The following RHOJ variants were observed in gnomAD, a reference collection of about 807,000 sequenced individuals.
The protein encoded by RHOJ is rho-related GTP-binding protein RhoJ.
In RHOJ, 11 loss-of-function variants were observed where a neutral mutation model predicts 23.4. That is an observed-to-expected ratio of 0.47 (90% CI 0.30 to 0.78). The LOEUF is 0.78. Ranked by LOEUF, RHOJ falls within the 30% of genes least tolerant of loss-of-function variation. The probability of loss-of-function intolerance (pLI) is 0.08; values close to 1 mark genes in which losing one functional copy is unlikely to be tolerated. For missense variants in RHOJ, 254 were observed against 273.4 expected, an observed-to-expected ratio of 0.93 and a Z score of 0.50; for synonymous variants, 102 against 102.7, an observed-to-expected ratio of 0.99 and a Z score of 0.04.
chr14:63,205,199 T>G (rs1894082751), intron 1 of RHOJ, 152 bp downstream of exon 1: 1 of 745,708 alleles, frequency 1.3e-6, no homozygotes, highest in Non-Finnish European at 2.1e-6. Context: ...ACCCAGGACT[T>G]GACTGTTGGT....
At chr14:63,288,710 T>G (rs572376983) in intron 4 of RHOJ, among the ~76,000 whole-genome samples, 2 of 152,312 alleles carry the variant, frequency 1.3e-5, no homozygotes, top group East Asian at 3.9e-4. Flanking sequence ...AAATAGATTT[T>G]CAACATCCAA....
At chr14:63,254,399 T>G (rs1487555836) in intron 1 of RHOJ, among the ~76,000 whole-genome samples, 1 of 152,118 alleles carries the variant, frequency 6.6e-6, no homozygotes, top group Non-Finnish European at 1.5e-5. Flanking sequence ...CAGAGCTTTA[T>G]CCGTTTGATG....
At chr14:63,269,226 C>T (rs1895422660) in intron 2 of RHOJ, 58 bp downstream of exon 2, 1 of 1,303,348 alleles carries the variant, frequency 7.7e-7, no homozygotes, top group African/African-American at 1.4e-5. Flanking sequence ...GAAAAAGATC[C>T]ATTTGCTTAT....
At chr14:63,209,939 T>G (rs967025919) in intron 1 of RHOJ, among the ~76,000 whole-genome samples, 1 of 151,336 alleles carries the variant, frequency 6.6e-6, no homozygotes, top group Non-Finnish European at 1.5e-5. Flanking sequence ...AGCATTGAAT[T>G]TTCTTTTTTT....
chr14:63,279,988 T>C (rs1201394835), intron 2 of RHOJ, among the ~76,000 whole-genome samples: 3 of 152,174 alleles, frequency 2.0e-5, no homozygotes, highest in African/African-American at 7.2e-5. Flanking sequence ...TTACTGAATG[T>C]TACACTTTAA....
intron 1 of RHOJ, 125 bp from the exon 2 acceptor site, chr14:63,268,985 A>G (rs1895416054): frequency 3.0e-6 from 2 of 675,054 alleles, no homozygotes; most frequent in Non-Finnish European, 5.2e-6. Flanking sequence ...TAGAATGTAC[A>G]TGAGCGAGGC....
chr14:63,221,186 C>T (rs1237634584), intron 1 of RHOJ, among the ~76,000 whole-genome samples: 5 of 151,980 alleles, frequency 3.3e-5, no homozygotes, highest in African/African-American at 1.2e-4. Flanking sequence ...TTAAATGAAC[C>T]GGATGTGGTG....
At chr14:63,280,944 A>T (rs1881877220) in intron 2 of RHOJ, 27 bp from the exon 3 acceptor site, 1 of 1,601,800 alleles carries the variant, frequency 6.2e-7, no homozygotes, top group African/African-American at 1.3e-5. Flanking sequence ...CACAGGCTGT[A>T]CAAACCCTTG....
In RHOJ at chr14:63,209,542, G is replaced by GCA. The variant is rs202148338; in HGVS notation, c.178+4507_178+4508dup. 2.6e-5 allele frequency among the ~76,000 whole-genome samples: 4 copies of GCA among 152,068 alleles called. No individual in the cohort carries two copies. The East Asian group carries it at 5.8e-4, about 22-fold the overall frequency. ...CACATTATTTAATGCATGTGTGCTT[G>GCA]CACACACACACACTCTCTTTCTCTC... On this transcript the variant is annotated intron_variant, in intron 1 of 4. Transcript: ENST00000316754.
intron 1 of RHOJ, among the ~76,000 whole-genome samples, chr14:63,264,641 T>C (rs1895334773): frequency 6.6e-6 from 1 of 152,232 alleles, no homozygotes; most frequent in Non-Finnish European, 1.5e-5. Context: ...TTTCCACTAA[T>C]AGTGTATAAG....
At chr14:63,229,518 T>C (rs1422024730) in intron 1 of RHOJ, among the ~76,000 whole-genome samples, 1 of 152,140 alleles carries the variant, frequency 6.6e-6, no homozygotes, top group African/African-American at 2.4e-5. Flanking sequence ...TTCATTTCCT[T>C]GGGATTGTAG....
At chr14:63,234,965 TA>T (rs1376031392) in intron 1 of RHOJ, among the ~76,000 whole-genome samples, 1 of 152,182 alleles carries the variant, frequency 6.6e-6, no homozygotes, top group East Asian at 1.9e-4. Context: ...TAGGAACCAG[TA>T]AACTCAGAAA....
chr14:63,240,451 T>C, intron 1 of RHOJ, among the ~76,000 whole-genome samples: 1 of 152,154 alleles, frequency 6.6e-6, no homozygotes, highest in Non-Finnish European at 1.5e-5. Flanking sequence ...TGTAGCACAG[T>C]ATAACAAATG....
chr14:63,214,742 C>T (rs550799110), intron 1 of RHOJ, among the ~76,000 whole-genome samples: 17 of 152,200 alleles, frequency 1.1e-4, no homozygotes, highest in African/African-American at 4.1e-4. Flanking sequence ...AATTCTGATG[C>T]GTAGCAGTAA....
chr14:63,283,908 C>T (rs893224419), intron 4 of RHOJ, among the ~76,000 whole-genome samples: 10 of 152,106 alleles, frequency 6.6e-5, no homozygotes, highest in African/African-American at 2.4e-4. Flanking sequence ...CCCATTACCC[C>T]GAGATGTGAG....
chr14:63,232,809 A>T (rs1374699495), intron 1 of RHOJ, among the ~76,000 whole-genome samples: 1 of 146,208 alleles, frequency 6.8e-6, no homozygotes, highest in Non-Finnish European at 1.5e-5. Flanking sequence ...CCATCCTCCC[A>T]ACTCAGCCTC....
At chr14:63,263,518 G>A (rs1206876405) in intron 1 of RHOJ, among the ~76,000 whole-genome samples, 3 of 152,130 alleles carry the variant, frequency 2.0e-5, no homozygotes, top group Non-Finnish European at 1.5e-5. Flanking sequence ...CTGATAGAAC[G>A]AGAGAATAAA....
At chr14:63,213,936 G>A (rs186815090) in intron 1 of RHOJ, among the ~76,000 whole-genome samples, 16 of 152,144 alleles carry the variant, frequency 1.1e-4, no homozygotes, top group Non-Finnish European at 2.1e-4. Flanking sequence ...TAAACTGTAG[G>A]CCACACATTA....
At chr14:63,219,312 T>C (rs1352796101) in intron 1 of RHOJ, among the ~76,000 whole-genome samples, 1 of 152,138 alleles carries the variant, frequency 6.6e-6, no homozygotes, top group East Asian at 1.9e-4. Context: ...TTAGCATTTT[T>C]CGACTTCTTT....
Sources: allele counts gnomAD v4.1 joint callset (sites outside exome capture counted in the v4.1 genomes callset), GRCh38; gene constraint gnomAD v4.1.1; transcripts MANE v1.5; gene names NCBI Gene and HGNC (gene_info 2026-07-23, HGNC 2026-07-21).